The following TBCD variants were observed in gnomAD, a reference collection of about 807,000 sequenced individuals.
The protein encoded by TBCD is tubulin folding cofactor D, also known as tubulin-specific chaperone D.
A neutral mutation model predicts 169.3 loss-of-function variants in TBCD; 105 were observed. That is an observed-to-expected ratio of 0.62 (90% CI 0.53 to 0.73). TBCD has a LOEUF of 0.73. TBCD is among the 30% of genes least tolerant of loss of function. The pLI is 0.00. For missense variants in TBCD, 1,444 were observed against 1,600.1 expected, an observed-to-expected ratio of 0.90 and a Z score of 1.66; for synonymous variants, 700 against 643.9, an observed-to-expected ratio of 1.09 and a Z score of -1.32.
chr17:82,831,145 G>A lies in TBCD; in HGVS notation c.1318+16211G>A, dbSNP rs140382598. 5.6e-6 allele frequency: 9 copies of A among 1,614,064 alleles called. No individual in the cohort carries two copies. Among genetic ancestry groups the A allele is most frequent in the South Asian group, 2.2e-5 (2 of 91,082 alleles). On this transcript the variant is annotated intron_variant, in intron 13 of 38. Transcript: ENST00000355528. The surrounding 1 kb of genome is among the most constrained non-coding windows in gnomAD (Gnocchi z 4.6). ...GAGTCTTCCCAGTGCGCTGGAGGCTGCCTTGTTGGAGAGGTCGTACAGGCC... is the reference window on the plus strand; with the variant it reads ...GAGTCTTCCCAGTGCGCTGGAGGCTACCTTGTTGGAGAGGTCGTACAGGCC...
chr17:82,830,158 C>G, intron 13 of TBCD: 1 of 1,614,038 alleles, frequency 6.2e-7, no homozygotes, highest in Non-Finnish European at 8.5e-7. Context: ...CACCCGGGCC[C>G]TCCTTCGTAG....
Position 82,927,303 on chromosome 17 carries a change from C to T in TBCD, c.2589C>T (p.Ser863=). The change falls in exon 29 of 39, where the codon AGC becomes AGT. Residue 863 remains serine (S), a synonymous_variant. Transcript: ENST00000355528. ...LGCMDDYTTD[S]RGDVGTWVRK... is the part of the protein sequence containing the mutation. ...GCATGGACGACTACACCACGGACAG[C>T]AGAGGGGACGTGGGCACCTGGTACG... 6.2e-7 allele frequency: 1 copy of T among 1,613,950 alleles called. No individual in the cohort carries two copies.
chr17:82,899,185 G>C (rs571642227), intron 17 of TBCD, among the ~76,000 whole-genome samples: 8 of 133,010 alleles, frequency 6.0e-5, no homozygotes, highest in Admixed American at 4.8e-4. Context: ...TCCTCGGCTC[G>C]TGTCCTCAGC....
intron 16 of TBCD, among the ~76,000 whole-genome samples, chr17:82,892,243 T>A (rs1227405493): frequency 6.6e-6 from 1 of 152,088 alleles, no homozygotes; most frequent in East Asian, 1.9e-4. Flanking sequence ...CCCGGATGTT[T>A]CCCTGGGCTC....
At chr17:82,850,119 T>G (rs1214998126) in intron 13 of TBCD, among the ~76,000 whole-genome samples, 1 of 90,914 alleles carries the variant, frequency 1.1e-5, no homozygotes, top group Admixed American at 1.1e-4. Flanking sequence ...TGTGCTGCTG[T>G]TGGCTGTGTT....
chr17:82,889,938 A>G lies in TBCD; in HGVS notation c.1563+241A>G, dbSNP rs914828136. 6.6e-6 allele frequency among the ~76,000 whole-genome samples: 1 copy of G among 152,266 alleles called. No homozygotes were observed. Among genetic ancestry groups the G allele is most frequent in the Non-Finnish European group, 1.5e-5 (1 of 68,046 alleles). ...GGAAAGCTGTGCTTTACACGTTGCC[A>G]AGAGCCACATAATGTGGCTCTGCAG... is the stretch of plus-strand genomic sequence containing the variant. On this transcript the variant is annotated intron_variant, in intron 16 of 38. Transcript: ENST00000355528. This position sits in a 1 kb window ranked among gnomAD's most constrained non-coding sequence, Gnocchi z 5.3.
intron 7 of TBCD, among the ~76,000 whole-genome samples, chr17:82,793,672 C>G (rs534797843): frequency 6.6e-6 from 1 of 152,336 alleles, no homozygotes; most frequent in South Asian, 2.1e-4. Context: ...TGGGGCTGTG[C>G]TCTCAAGGCA....
chr17:82,861,779 A>G (rs910160560), intron 13 of TBCD, among the ~76,000 whole-genome samples: 3 of 152,136 alleles, frequency 2.0e-5, no homozygotes, highest in African/African-American at 4.8e-5. Flanking sequence ...TGGCTAAGGT[A>G]TGGGAATTTT....
chr17:82,922,084 C>T lies in TBCD; in HGVS notation c.2178+507C>T, dbSNP rs182451556. 2.5e-3 allele frequency among the ~76,000 whole-genome samples: 386 copies of T among 152,284 alleles called. 1 individual carries two copies. Among genetic ancestry groups the T allele is most frequent in the Non-Finnish European group, 2.9e-3 (198 of 68,036 alleles). On this transcript the variant is annotated intron_variant, in intron 25 of 38. Coordinates refer to ENST00000355528, the MANE Select transcript of TBCD (RefSeq NM_005993.5). The surrounding 1 kb of genome is among the most constrained non-coding windows in gnomAD (Gnocchi z 4.1). ...GGACTTTGGACTCACAGAGCTGTAA[C>T]GCTGATCTCATTGCATAGATAAGAA...
chr17:82,870,124 C>A, intron 13 of TBCD, 100 bp from the exon 14 acceptor site: 1 of 1,530,176 alleles, frequency 6.5e-7, no homozygotes, highest in Non-Finnish European at 8.9e-7. Flanking sequence ...ACTCATCTGG[C>A]ACCGTGACCG....
chr17:82,768,681 T>C, intron 5 of TBCD, 115 bp downstream of exon 5: 1 of 1,151,332 alleles, frequency 8.7e-7, no homozygotes, highest in Non-Finnish European at 1.2e-6. Context: ...TGCTGTTTTT[T>C]TCAGTGGGGT....
chr17:82,854,799 C>T (rs890527498), intron 13 of TBCD, among the ~76,000 whole-genome samples: 1 of 152,162 alleles, frequency 6.6e-6, no homozygotes, highest in Non-Finnish European at 1.5e-5. Flanking sequence ...CAAAGCTACA[C>T]GTGAAATTTC....
At chr17:82,881,529 C>G (rs1045188053) in intron 14 of TBCD, among the ~76,000 whole-genome samples, 1 of 152,134 alleles carries the variant, frequency 6.6e-6, no homozygotes, top group South Asian at 2.1e-4. Flanking sequence ...CGCTCCCAGC[C>G]GATACGGGCC....
chr17:82,803,621 G>A (rs993859349), intron 9 of TBCD, among the ~76,000 whole-genome samples: 12 of 152,210 alleles, frequency 7.9e-5, no homozygotes, highest in African/African-American at 2.7e-4. Flanking sequence ...GGGAGGAGGT[G>A]GAGGTGGCCC....
intron 9 of TBCD, among the ~76,000 whole-genome samples, chr17:82,802,701 G>C (rs1250750569): frequency 6.6e-6 from 1 of 152,234 alleles, no homozygotes; most frequent in East Asian, 1.9e-4. Flanking sequence ...TGTTCTGCTG[G>C]GGCCTTCCGC....
In TBCD at chr17:82,915,340, C is replaced by G. The variant is rs1402306393; in HGVS notation, c.2038+3551C>G. ...GAAAAGTGGCTCAACCCTTGGGAGT[C>G]GTCTGCGTCCCCATATCAAAGAAAT... On this transcript the variant is annotated intron_variant, in intron 23 of 38. Transcript: ENST00000355528. This position sits in a 1 kb window ranked among gnomAD's most constrained non-coding sequence, Gnocchi z 4.3. 6.6e-6 allele frequency among the ~76,000 whole-genome samples: 1 copy of G among 152,112 alleles called. No individual in the cohort carries two copies. Among genetic ancestry groups the G allele is most frequent in the Non-Finnish European group, 1.5e-5 (1 of 68,018 alleles).
At chr17:82,795,805 C>T (rs144011048) in intron 7 of TBCD, 424 of 161,612 alleles carry the variant, frequency 2.6e-3, no homozygotes, top group African/African-American at 8.5e-3. Flanking sequence ...GGGCTGGGTG[C>T]GGCAGGGGCC....
intron 33 of TBCD, among the ~76,000 whole-genome samples, chr17:82,931,078 G>A (rs2062161979): frequency 6.6e-6 from 1 of 152,220 alleles, no homozygotes; most frequent in African/African-American, 2.4e-5. Flanking sequence ...CTTTCTAGAA[G>A]TTTCTGGCTT....
intron 6 of TBCD, among the ~76,000 whole-genome samples, chr17:82,775,303 C>A (rs1431488231): frequency 6.6e-6 from 1 of 152,226 alleles, no homozygotes; most frequent in African/African-American, 2.4e-5. Flanking sequence ...CACACTGATT[C>A]TCAAGAGTGT....
Sources: allele counts gnomAD v4.1 joint callset (sites outside exome capture counted in the v4.1 genomes callset), GRCh38; gene constraint gnomAD v4.1.1; non-coding constraint Gnocchi (gnomAD v3.1); transcripts MANE v1.5; gene names NCBI Gene and HGNC (gene_info 2026-07-23, HGNC 2026-07-21).